ADGRV1: variants seen among roughly 807,000 people sequenced by gnomAD.
The protein encoded by ADGRV1 is adhesion G protein-coupled receptor V1.
A neutral mutation model predicts 596.2 loss-of-function variants in ADGRV1; 359 were observed. The observed-to-expected ratio is 0.60, with a 90% CI of 0.55 to 0.66. The LOEUF is 0.66. ADGRV1 is among the 30% of genes least tolerant of loss of function. ADGRV1 has a pLI of 0.00. For synonymous variants in ADGRV1, 2,681 were observed against 2,679.2 expected, an observed-to-expected ratio of 1.00 and a Z score of -0.02; for missense variants, 7,274 against 7,575.6, an observed-to-expected ratio of 0.96 and a Z score of 1.48.
chr5:90,591,329 G>C (rs942569890), intron 1 of ADGRV1, among the ~76,000 whole-genome samples: 17 of 152,086 alleles, frequency 1.1e-4, no homozygotes, highest in Non-Finnish European at 1.2e-4. Context: ...CTGGGAGGCA[G>C]AGGTTGCAGT....
chr5:91,031,362 G>A, intron 85 of ADGRV1: 1 of 1,208,990 alleles, frequency 8.3e-7, no homozygotes, highest in Non-Finnish European at 1.2e-6. Flanking sequence ...CTCATCCGCT[G>A]ACGGAAGTTC....
At chr5:90,646,493 G>A (rs1300171420) in intron 16 of ADGRV1, among the ~76,000 whole-genome samples, 1 of 151,600 alleles carries the variant, frequency 6.6e-6, no homozygotes, top group Non-Finnish European at 1.5e-5. Context: ...TGTATTAGAA[G>A]GACCTGAGTA....
intron 85 of ADGRV1, among the ~76,000 whole-genome samples, chr5:91,059,024 C>G (rs1435883227): frequency 2.0e-5 from 3 of 152,152 alleles, no homozygotes; most frequent in Non-Finnish European, 4.4e-5. Context: ...TCACACTTTC[C>G]TCTCTACTAT....
chr5:90,579,582 G>A (rs376703677), intron 1 of ADGRV1, among the ~76,000 whole-genome samples: 1 of 152,190 alleles, frequency 6.6e-6, no homozygotes, highest in Non-Finnish European at 1.5e-5. Flanking sequence ...TGTATATTCT[G>A]TTGATTTGGG....
chr5:91,092,314 G>C (rs1314289032), intron 86 of ADGRV1, among the ~76,000 whole-genome samples: 1 of 152,046 alleles, frequency 6.6e-6, no homozygotes, highest in African/African-American at 2.4e-5. Flanking sequence ...GGCCAAGCTG[G>C]TCTCGAACTC....
In ADGRV1 at chr5:90,962,459, T is replaced by A. The variant is rs529687653; in HGVS notation, c.17857-2956T>A. Among the ~76,000 whole-genome samples the A allele has an allele frequency of 1.4e-4, 21 of 152,364 alleles. No homozygotes were observed. The East Asian group carries it at 4.0e-3, about 29-fold the overall frequency. On this transcript the variant is annotated intron_variant, in intron 83 of 89. Coordinates refer to ENST00000405460, the MANE Select transcript of ADGRV1 (RefSeq NM_032119.4). ...TTTTTTCTGGTAATCTCTATGTGTTTGAATAAAAGAACAATGGTGAAGCTC... is the reference window on the plus strand; with the variant it reads ...TTTTTTCTGGTAATCTCTATGTGTTAGAATAAAAGAACAATGGTGAAGCTC...
chr5:91,151,629 C>T (rs1335414850), intron 88 of ADGRV1, among the ~76,000 whole-genome samples: 1 of 152,152 alleles, frequency 6.6e-6, no homozygotes, highest in Non-Finnish European at 1.5e-5. Context: ...AATGGTTGCT[C>T]AGTCCAGCAT....
chr5:90,963,900 A>C (rs1247278943), intron 83 of ADGRV1, among the ~76,000 whole-genome samples: 1 of 151,526 alleles, frequency 6.6e-6, no homozygotes, highest in Non-Finnish European at 1.5e-5. Context: ...TATCAATTAT[A>C]GTAATAAATT....
At chr5:90,758,636 T>TAC (rs1756105345) in intron 57 of ADGRV1, among the ~76,000 whole-genome samples, 1 of 152,212 alleles carries the variant, frequency 6.6e-6, no homozygotes, top group Non-Finnish European at 1.5e-5. Flanking sequence ...TCTGTCTGAG[T>TAC]GTGATATCCA....
intron 21 of ADGRV1, among the ~76,000 whole-genome samples, chr5:90,662,817 T>A (rs547353426): frequency 4.6e-5 from 7 of 152,172 alleles, no homozygotes; most frequent in African/African-American, 1.4e-4. Flanking sequence ...TGTGTCCATA[T>A]GATCTCATTG....
intron 50 of ADGRV1, among the ~76,000 whole-genome samples, chr5:90,739,987 C>A (rs1340432880): frequency 1.3e-5 from 2 of 152,146 alleles, no homozygotes; most frequent in East Asian, 3.9e-4. Flanking sequence ...TTAAGGAGAG[C>A]CCCAGGATTT....
chr5:90,820,415 C>T (rs1323236560), intron 75 of ADGRV1, among the ~76,000 whole-genome samples: 3 of 150,358 alleles, frequency 2.0e-5, no homozygotes, highest in African/African-American at 4.9e-5. Context: ...AGTCCATTTA[C>T]ATTTAAAGTT....
At chr5:90,940,579 C>A (rs916709433) in intron 83 of ADGRV1, among the ~76,000 whole-genome samples, 4 of 151,888 alleles carry the variant, frequency 2.6e-5, no homozygotes, top group African/African-American at 9.7e-5. Context: ...GTAACCAGGT[C>A]AATAATAAAT....
chr5:90,714,438 A>G (rs933893408), intron 42 of ADGRV1, among the ~76,000 whole-genome samples: 2 of 151,906 alleles, frequency 1.3e-5, no homozygotes, highest in East Asian at 3.9e-4. Flanking sequence ...ATCTTTTATT[A>G]TAATGTCTCT....
chr5:90,584,711 G>C (rs1758521434), intron 1 of ADGRV1, among the ~76,000 whole-genome samples: 1 of 152,228 alleles, frequency 6.6e-6, no homozygotes, highest in Non-Finnish European at 1.5e-5. Context: ...CATTGAGCAA[G>C]TGGTGCAAGA....
chr5:91,043,069 A>T (rs1785502661), intron 85 of ADGRV1, among the ~76,000 whole-genome samples: 1 of 152,128 alleles, frequency 6.6e-6, no homozygotes, highest in African/African-American at 2.4e-5. Context: ...GTGTATCAGC[A>T]ATTTCCTGTT....
intron 85 of ADGRV1, among the ~76,000 whole-genome samples, chr5:91,005,985 G>A (rs776574709): frequency 3.9e-5 from 6 of 151,988 alleles, no homozygotes; most frequent in Admixed American, 1.3e-4. Flanking sequence ...TAATTCATTG[G>A]CCCCAACCTT....
intron 84 of ADGRV1, among the ~76,000 whole-genome samples, chr5:90,971,551 A>T (rs34843244): frequency 0.013 from 2,004 of 152,346 alleles, 12 homozygotes; most frequent in Non-Finnish European, 0.021. Flanking sequence ...AATATTCAAC[A>T]TTCTTAAAGA....
Position 90,802,795 on chromosome 5 carries a change from C to T in ADGRV1, c.14574C>T (p.Val4858=), listed in dbSNP as rs778056836. The T allele has an allele frequency of 2.0e-5, 32 of 1,612,710 alleles. No homozygotes were observed. Among genetic ancestry groups the T allele is most frequent in the Non-Finnish European group, 2.3e-5 (27 of 1,179,400 alleles). ...TGCAACTGGTGACTGTGATGCTTGT[C>T]GGTGGACGTTTCTATGGAATGCCAA... ...FTLQLVTVML[V]GGRFYGMPTI... is the part of the protein sequence containing the mutation. Residue 4858 remains valine (V), a synonymous_variant, in exon 71 of 90, where the codon GTC becomes GTT. Transcript: ENST00000405460.
Sources: gnomAD v4.1 joint callset for allele counts (sites outside exome capture counted in the v4.1 genomes callset) on GRCh38, gnomAD v4.1.1 for gene constraint, MANE v1.5 for transcripts, NCBI Gene and HGNC (gene_info 2026-07-23, HGNC 2026-07-21) for gene names.